The following RCOR3 variants were observed in gnomAD, a reference collection of about 807,000 sequenced individuals.
RCOR3 encodes the protein REST corepressor 3.
A neutral mutation model predicts 64.1 loss-of-function variants in RCOR3; 13 were observed. The ratio of observed to expected loss-of-function variants is 0.20; its 90% confidence interval spans 0.13 to 0.32. RCOR3 has a LOEUF of 0.32. RCOR3 is among the 10% of genes least tolerant of loss of function. The pLI, the probability that RCOR3 is intolerant of heterozygous loss-of-function variation, is 1.00. For synonymous variants in RCOR3, 215 were observed against 239.0 expected, an observed-to-expected ratio of 0.90 and a Z score of 0.93; for missense variants, 489 against 701.2, an observed-to-expected ratio of 0.70 and a Z score of 3.42.
Position 211,314,047 on chromosome 1 carries a change from T to A in RCOR3, c.*279T>A, listed in dbSNP as rs1701738445. On this transcript the variant is annotated 3_prime_UTR_variant, in exon 12 of 12. Transcript: ENST00000419091. ...AAAAACAAAAGATTTAAGTATTCTA[T>A]ATACCAAGTTTTTGTTTTGTTTTTA... is the stretch of plus-strand genomic sequence containing the variant. The A allele has an allele frequency of 5.8e-6, 2 of 343,418 alleles. No individual in the cohort carries two copies. Among genetic ancestry groups the A allele is most frequent in the African/African-American group, 4.2e-5 (2 of 47,490 alleles). 21.3% of individuals were successfully genotyped at this position (343,418 alleles called of 1,614,324 possible).
Position 211,289,258 on chromosome 1 carries a change from T to A in RCOR3, c.801T>A (p.His267Gln), listed in dbSNP as rs1698945592. 3 of 1,614,116 alleles carry A rather than the reference T, an allele frequency of 1.9e-6. No homozygotes were observed. The highest frequency in any genetic ancestry group is 1.3e-5 in the African/African-American group (1 of 75,020). ...ATCAGAGTTTACAACATCGCCATCA[T>A]TCTCAGCGTTCTAAGTGCCGTCCAC... ...REYQSLQHRHHSQRSKCRPPK... is the reference protein window; with the variant it reads ...REYQSLQHRHQSQRSKCRPPK... The change falls in exon 8 of 12, where the codon CAT becomes CAA. Residue 267 changes from histidine to glutamine, a missense_variant. By Grantham distance (24) the His-to-Gln change is conservative. Transcript: ENST00000419091.
intron 7 of RCOR3, among the ~76,000 whole-genome samples, chr1:211,286,528 C>T (rs148180585): frequency 5.3e-5 from 8 of 152,018 alleles, no homozygotes; most frequent in East Asian, 1.9e-4. Context: ...AGTATGGTCT[C>T]GATCTCCTGA....
intron 8 of RCOR3, among the ~76,000 whole-genome samples, chr1:211,293,009 G>C (rs982081684): frequency 2.6e-5 from 4 of 151,736 alleles, no homozygotes; most frequent in Non-Finnish European, 4.4e-5. Context: ...GCTTGAATCC[G>C]GGCTGCAGAG....
At chr1:211,282,816 C>T (rs1321045228) in intron 7 of RCOR3, among the ~76,000 whole-genome samples, 1 of 152,036 alleles carries the variant, frequency 6.6e-6, no homozygotes, top group Non-Finnish European at 1.5e-5. Context: ...CATAGTCTCA[C>T]CTTCTCTCTA....
At chr1:211,286,924 C>T (rs75335146) in intron 7 of RCOR3, among the ~76,000 whole-genome samples, 8 of 152,152 alleles carry the variant, frequency 5.3e-5, no homozygotes, top group African/African-American at 1.9e-4. Context: ...CTTTTTCCTG[C>T]AGTATATCCT....
At chr1:211,279,615 TTCA>T (rs1280458839) in intron 7 of RCOR3, among the ~76,000 whole-genome samples, 2 of 152,224 alleles carry the variant, frequency 1.3e-5, no homozygotes, top group African/African-American at 4.8e-5. Context: ...CCATGGGCCA[TTCA>T]TCACCTTAAG....
At chr1:211,298,528 C>T (rs957148076) in intron 9 of RCOR3, among the ~76,000 whole-genome samples, 1 of 152,102 alleles carries the variant, frequency 6.6e-6, no homozygotes, top group East Asian at 1.9e-4. Flanking sequence ...TAATTAATAG[C>T]TATTGAGGAT....
chr1:211,299,924 T>C (rs1452652275), intron 9 of RCOR3, among the ~76,000 whole-genome samples: 3 of 152,240 alleles, frequency 2.0e-5, no homozygotes, highest in Admixed American at 2.0e-4. Flanking sequence ...AATATTAAAA[T>C]CAATAACTTA....
rs912064136 is a variant in RCOR3 at position 211,271,290 on chromosome 1, C to T, written c.282C>T (p.His94=). ...GGATGCTTGTATGGTCTCCATATCA[C>T]AGTATCCCAGATGCCAAATGTAAGT... is the stretch of plus-strand genomic sequence containing the variant. ...NGGMLVWSPY[H]SIPDAKLDEY... The change falls in exon 3 of 12, where the codon CAC becomes CAT. Residue 94 remains histidine (H), a synonymous_variant. Coordinates refer to ENST00000419091, the MANE Select transcript of RCOR3 (RefSeq NM_001136223.3). 6.2e-7 allele frequency: 1 copy of T among 1,613,312 alleles called. No individual in the cohort carries two copies. Among genetic ancestry groups the T allele is most frequent in the African/African-American group, 1.3e-5 (1 of 74,922 alleles).
chr1:211,287,580 T>A (rs771361909), intron 7 of RCOR3, among the ~76,000 whole-genome samples: 5 of 152,198 alleles, frequency 3.3e-5, no homozygotes, highest in Non-Finnish European at 7.3e-5. Flanking sequence ...TTAAGTGGAT[T>A]ATGCTTCATA....
chr1:211,289,924 C>A (rs764729600), intron 8 of RCOR3, among the ~76,000 whole-genome samples: 2 of 152,132 alleles, frequency 1.3e-5, no homozygotes, highest in Non-Finnish European at 2.9e-5. Context: ...TCCTGTGTAA[C>A]CTTAGAGGAG....
Position 211,259,368 on chromosome 1 carries a change from T to G in RCOR3, c.-193T>G. 6.0e-6 allele frequency: 3 copies of G among 501,828 alleles called. No homozygotes were observed. The highest frequency in any genetic ancestry group is 7.9e-5 in the Admixed American group (2 of 25,158). 31.1% of individuals were successfully genotyped at this position (501,828 alleles called of 1,614,324 possible). ...GGAGAGAGGCGGGGCCGGGGCGGGT[T>G]GTTGTGAGGCGACTGCGCTACTGCC... On this transcript the variant is annotated 5_prime_UTR_variant, in exon 1 of 12. Transcript: ENST00000419091.
chr1:211,290,915 A>G (rs979618076), intron 8 of RCOR3, among the ~76,000 whole-genome samples: 7 of 151,858 alleles, frequency 4.6e-5, no homozygotes, highest in African/African-American at 1.7e-4. Context: ...AAGGTGGACC[A>G]TGGTCATATT....
At position 211,313,439 on chromosome 1, in the gene RCOR3, G is replaced by A. The variant is rs749070976; in HGVS notation, c.1333G>A (p.Ala445Thr). The change falls in exon 12 of 12, where the codon GCT (alanine) becomes ACT (threonine). Residue 445 changes from alanine to threonine, a missense_variant. By Grantham distance (58) the Ala-to-Thr change is moderately conservative. Coordinates refer to ENST00000419091, the MANE Select transcript of RCOR3 (RefSeq NM_001136223.3). The surrounding 1 kb of genome is among the most constrained non-coding windows in gnomAD (Gnocchi z 4.7). ...TCACCTCTAGGCACAGACCCCACAG[G>A]CTCCTCGGACACTGGGTCCATCACC... The part of the protein sequence containing the change: ...DEEEEAQTPQ[A>T]PRTLGPSPPA... The A allele has an allele frequency of 6.2e-7, 1 of 1,613,312 alleles. No homozygotes were observed. Among genetic ancestry groups the A allele is most frequent in the East Asian group, 2.2e-5 (1 of 44,876 alleles).
chr1:211,282,407 G>C (rs188039028), intron 7 of RCOR3, among the ~76,000 whole-genome samples: 1 of 152,074 alleles, frequency 6.6e-6, no homozygotes, highest in African/African-American at 2.4e-5. Context: ...TTTAAAAGTT[G>C]TGAACTATTT....
rs533070969 is a variant in RCOR3, at chr1:211,300,098, C to G, written c.1018-3985C>G. Among the ~76,000 whole-genome samples the G allele has an allele frequency of 5.6e-5, 7 of 124,342 alleles. No individual in the cohort carries two copies. The East Asian group carries it at 1.5e-3, about 27-fold the overall frequency. The allele number at this position is 124,342 out of a possible 152,430, so 81.6% of individuals were successfully genotyped here. ...TTTTTTTTTTTTTTTTTGAGACACT[C>G]TCACTCCCATCACCCATGCTGGAGT... is the stretch of plus-strand genomic sequence containing the variant. On this transcript the variant is annotated intron_variant, in intron 9 of 11. Coordinates refer to ENST00000419091, the MANE Select transcript of RCOR3 (RefSeq NM_001136223.3).
At chr1:211,302,357 CCAG>C (rs1243070283) in intron 9 of RCOR3, 2 of 152,134 alleles carry the variant, frequency 1.3e-5, no homozygotes, top group African/African-American at 4.8e-5. Flanking sequence ...AGATGAGTAT[CCAG>C]CAGAATTAAC....
At chr1:211,299,500 C>T (rs1421212436) in intron 9 of RCOR3, among the ~76,000 whole-genome samples, 1 of 152,114 alleles carries the variant, frequency 6.6e-6, no homozygotes, top group African/African-American at 2.4e-5. Context: ...AGACGACATC[C>T]TTTCATTATG....
At chr1:211,261,604 G>C (rs1052152685) in intron 2 of RCOR3, among the ~76,000 whole-genome samples, 4 of 152,092 alleles carry the variant, frequency 2.6e-5, no homozygotes, top group African/African-American at 7.2e-5. Flanking sequence ...TTGACATTTG[G>C]AAAGAGCACA....
Sources: gnomAD v4.1 joint callset for allele counts (sites outside exome capture counted in the v4.1 genomes callset) on GRCh38, gnomAD v4.1.1 for gene constraint, Gnocchi (gnomAD v3.1) non-coding constraint, MANE v1.5 for transcripts, NCBI Gene and HGNC (gene_info 2026-07-23, HGNC 2026-07-21) for gene names.